KAZN: variants seen among roughly 807,000 people sequenced by gnomAD.
KAZN encodes the protein kazrin, periplakin interacting protein.
KAZN carries 40 observed loss-of-function variants against 87.4 expected under a neutral mutation model. The ratio of observed to expected loss-of-function variants is 0.46; its 90% CI spans 0.36 to 0.60. The LOEUF (loss-of-function observed/expected upper bound fraction) is 0.60, where lower values mean the gene tolerates loss of function less well. Among genes scored for constraint, KAZN ranks in the 20% least tolerant of loss-of-function variants. The pLI is 0.00. For synonymous variants in KAZN, 466 were observed against 458.3 expected, an observed-to-expected ratio of 1.02 and a Z score of -0.22; for missense variants, 898 against 1,073.9, an observed-to-expected ratio of 0.84 and a Z score of 2.29.
chr1:14,634,424 G>A (rs1158796757), intron 1 of KAZN, among the ~76,000 whole-genome samples: 7 of 152,220 alleles, frequency 4.6e-5, no homozygotes, highest in African/African-American at 1.4e-4. Context: ...GCAGGAGGTT[G>A]TGTAAATATC....
intron 1 of KAZN, among the ~76,000 whole-genome samples, chr1:13,935,862 ATGTGTGTGTGTG>A (rs143281844): frequency 0.02 from 2,452 of 124,228 alleles, 71 homozygotes; most frequent in African/African-American, 0.065. Context: ...TTACATCCTA[ATGTGTGTGTGTG>A]TGTGTGTGTG....
At chr1:14,621,983 A>G (rs1356961067) in intron 1 of KAZN, among the ~76,000 whole-genome samples, 1 of 152,226 alleles carries the variant, frequency 6.6e-6, no homozygotes, top group East Asian at 1.9e-4. Flanking sequence ...AACAGGGCAT[A>G]AAGTATAAGA....
chr1:14,360,608 C>A (rs915247880), intron 2 of KAZN, among the ~76,000 whole-genome samples: 4 of 152,066 alleles, frequency 2.6e-5, no homozygotes, highest in Non-Finnish European at 5.9e-5. Flanking sequence ...ATGCTGCTGA[C>A]CTTCGGAAGG....
chr1:14,153,017 T>C (rs1645510254), intron 1 of KAZN, among the ~76,000 whole-genome samples: 2 of 152,194 alleles, frequency 1.3e-5, no homozygotes, highest in South Asian at 4.1e-4. Flanking sequence ...ATTTAGATCT[T>C]TCGCCCACTT....
intron 1 of KAZN, among the ~76,000 whole-genome samples, chr1:14,685,389 A>G (rs771562480): frequency 1.3e-5 from 2 of 152,186 alleles, no homozygotes; most frequent in Non-Finnish European, 2.9e-5. Context: ...TGGCAGGCTG[A>G]GCTCCAGCAG....
At chr1:14,756,115 C>G (rs1644557978) in intron 1 of KAZN, among the ~76,000 whole-genome samples, 1 of 152,186 alleles carries the variant, frequency 6.6e-6, no homozygotes, top group Non-Finnish European at 1.5e-5. Flanking sequence ...AAGCCCATCA[C>G]AAGCCCTGAC....
intron 2 of KAZN, among the ~76,000 whole-genome samples, chr1:14,431,223 A>G (rs1666050556): frequency 6.6e-6 from 1 of 152,194 alleles, no homozygotes; most frequent in Non-Finnish European, 1.5e-5. Flanking sequence ...TCCACCTGAC[A>G]TTGGCCATAG....
At chr1:14,014,687 A>G (rs965080342) in intron 1 of KAZN, among the ~76,000 whole-genome samples, 35 of 152,248 alleles carry the variant, frequency 2.3e-4, no homozygotes, top group African/African-American at 8.4e-4. Context: ...CTTAAAAATC[A>G]ATGTCCAGCA....
intron 1 of KAZN, among the ~76,000 whole-genome samples, chr1:14,653,028 A>C (rs976345362): frequency 3.9e-5 from 6 of 152,128 alleles, no homozygotes; most frequent in African/African-American, 1.4e-4. Context: ...TAAATAACTG[A>C]GTTCCTGACC....
At chr1:14,695,948 T>G (rs1023787688) in intron 1 of KAZN, among the ~76,000 whole-genome samples, 2 of 152,236 alleles carry the variant, frequency 1.3e-5, no homozygotes, top group Non-Finnish European at 2.9e-5. Flanking sequence ...TTGCCTGTTT[T>G]GGTGAATACA....
intron 1 of KAZN, among the ~76,000 whole-genome samples, chr1:14,948,993 CA>C (rs980284259): frequency 6.6e-6 from 1 of 151,896 alleles, no homozygotes; most frequent in Non-Finnish European, 1.5e-5. Context: ...GCTGTCTCTA[CA>C]AAAAATACAA....
chr1:14,133,382 A>AAAGT (rs1362741028), intron 1 of KAZN, among the ~76,000 whole-genome samples: 1 of 14,792 alleles, frequency 6.8e-5, no homozygotes, highest in Non-Finnish European at 1.0e-4. Context: ...AAAAAAAAAG[A>AAAGT]AAGAAAGAAA....
intron 1 of KAZN, among the ~76,000 whole-genome samples, chr1:14,709,024 A>G (rs776547560): frequency 6.6e-5 from 10 of 152,118 alleles, no homozygotes; most frequent in Non-Finnish European, 1.5e-4. Flanking sequence ...GATGATGGTG[A>G]TGACAAAGAC....
chr1:13,931,380 A>T (rs1278013600), intron 1 of KAZN, among the ~76,000 whole-genome samples: 1 of 152,206 alleles, frequency 6.6e-6, no homozygotes, highest in Non-Finnish European at 1.5e-5. Flanking sequence ...CAGTGCAGGA[A>T]AACCTGGCCG....
chr1:14,868,156 C>T (rs2803397), intron 1 of KAZN, among the ~76,000 whole-genome samples: 32,250 of 151,696 alleles, frequency 0.21, 4,375 homozygotes, highest in Admixed American at 0.36. Flanking sequence ...ACGCAGCCAT[C>T]GCATAGGCGG....
intron 1 of KAZN, among the ~76,000 whole-genome samples, chr1:13,938,348 C>G (rs1340987869): frequency 6.6e-6 from 1 of 151,900 alleles, no homozygotes; most frequent in Non-Finnish European, 1.5e-5. Context: ...TATAGAAATG[C>G]TACTAATTTT....
At chr1:14,656,589 G>A (rs1197438637) in intron 1 of KAZN, among the ~76,000 whole-genome samples, 2 of 152,182 alleles carry the variant, frequency 1.3e-5, no homozygotes, top group Admixed American at 6.5e-5. Context: ...AGTTCTGCAG[G>A]CCCTACAGTA....
At chr1:13,930,656 T>C (rs886169394) in intron 1 of KAZN, among the ~76,000 whole-genome samples, 2 of 152,212 alleles carry the variant, frequency 1.3e-5, no homozygotes, top group Non-Finnish European at 2.9e-5. Flanking sequence ...CAAATTAAAA[T>C]GCTATATTTG....
intron 1 of KAZN, among the ~76,000 whole-genome samples, chr1:14,665,993 C>T (rs1234856025): frequency 8.0e-5 from 12 of 149,974 alleles, no homozygotes; most frequent in South Asian, 2.1e-4. Flanking sequence ...ACAATGTCTT[C>T]GGAGATGAGT....
Sources: allele counts gnomAD v4.1 joint callset (sites outside exome capture counted in the v4.1 genomes callset), GRCh38; gene constraint gnomAD v4.1.1; transcripts MANE v1.5; gene names NCBI Gene and HGNC (gene_info 2026-07-23, HGNC 2026-07-21).